NAALADL2: variants seen among roughly 807,000 people sequenced by gnomAD.
NAALADL2 encodes inactive N-acetylated-alpha-linked acidic dipeptidase-like protein 2.
In NAALADL2, 76 loss-of-function variants were observed where a neutral mutation model predicts 87.2. That is an observed-to-expected ratio of 0.87 (90% CI 0.72 to 1.05). NAALADL2 has a LOEUF of 1.05. Ranked by LOEUF, NAALADL2 falls within the 50% of genes least tolerant of loss-of-function variation. NAALADL2 has a pLI of 0.00. For missense variants in NAALADL2, 1,089 were observed against 945.8 expected (o/e 1.15, Z -1.99); for synonymous variants, 354 against 331.0 (o/e 1.07, Z -0.75).
chr3:175,740,449 C>T (rs1470039698), intron 12 of NAALADL2, among the ~76,000 whole-genome samples: 2 of 152,144 alleles, frequency 1.3e-5, no homozygotes, highest in African/African-American at 4.8e-5. Context: ...GAGGCTGGGA[C>T]TTGCTAGGCC....
intron 2 of NAALADL2, among the ~76,000 whole-genome samples, chr3:174,681,633 A>T (rs1727548690): frequency 6.6e-6 from 1 of 152,194 alleles, no homozygotes; most frequent in African/African-American, 2.4e-5. Flanking sequence ...CAGTTCTGGC[A>T]GCATTCCTCG....
rs112561317 is a variant in NAALADL2 at position 174,787,830 on chromosome 3, A to G, written c.-9+50084A>G. On this transcript the variant is annotated intron_variant, in intron 3 of 3. Transcript: ENST00000434257. ...TAACTTTTATACCTTTTACCTAAAT[A>G]TTTGTCACCACCAGAGTTGGAAAAG... Among the ~76,000 whole-genome samples, 851 of 151,568 alleles carry G rather than the reference A, an allele frequency of 5.6e-3. 8 individuals are homozygous for G. The highest frequency in any genetic ancestry group is 0.02 in the African/African-American group (817 of 41,358).
intron 5 of NAALADL2, among the ~76,000 whole-genome samples, chr3:175,439,879 A>G (rs1719442935): frequency 6.6e-6 from 1 of 151,690 alleles, no homozygotes; most frequent in Non-Finnish European, 1.5e-5. Context: ...GTACGGAAGC[A>G]TTTTAGTTTA....
At chr3:174,680,127 C>G (rs1056781733) in intron 2 of NAALADL2, among the ~76,000 whole-genome samples, 1 of 147,696 alleles carries the variant, frequency 6.8e-6, no homozygotes, top group Admixed American at 6.9e-5. Flanking sequence ...TTAAAAAACA[C>G]TTTTAGCAAT....
intron 3 of NAALADL2, among the ~76,000 whole-genome samples, chr3:175,243,089 A>G (rs1053851570): frequency 5.3e-5 from 8 of 151,278 alleles, no homozygotes; most frequent in African/African-American, 1.9e-4. Flanking sequence ...ACACACACAC[A>G]CACACGCACA....
chr3:175,728,093 G>A (rs138937780), intron 11 of NAALADL2, among the ~76,000 whole-genome samples: 1 of 152,040 alleles, frequency 6.6e-6, no homozygotes, highest in East Asian at 1.9e-4. Context: ...ATATAAACTT[G>A]TCAAATTATA....
chr3:175,453,634 T>G (rs551667695), intron 6 of NAALADL2, among the ~76,000 whole-genome samples: 2 of 152,134 alleles, frequency 1.3e-5, no homozygotes, highest in Non-Finnish European at 1.5e-5. Flanking sequence ...CAACTGAATT[T>G]TCATTAGAAT....
At chr3:175,488,727 C>T (rs2149338444) in intron 9 of NAALADL2, among the ~76,000 whole-genome samples, 1 of 152,292 alleles carries the variant, frequency 6.6e-6, no homozygotes, top group Non-Finnish European at 1.5e-5. Context: ...CATTTTTCTA[C>T]TGATAAGTTA....
rs73048157 is a variant in NAALADL2, at chr3:174,758,946, T to C, written c.-9+21200T>C. ...ACTGTTTTTTAAATCTCTAAAATGG[T>C]TATTTCTATAATTTTTAACAGGTTT... On this transcript the variant is annotated intron_variant, in intron 3 of 3. Coordinates refer to the NAALADL2 transcript ENST00000434257. 4.6e-3 allele frequency among the ~76,000 whole-genome samples: 701 copies of C among 152,306 alleles called. 2 individuals are homozygous for C. The highest frequency in any genetic ancestry group is 0.016 in the African/African-American group (680 of 41,564).
intron 2 of NAALADL2, among the ~76,000 whole-genome samples, chr3:175,108,975 A>G (rs1348806427): frequency 2.0e-5 from 3 of 151,784 alleles, no homozygotes; most frequent in Admixed American, 6.6e-5. Context: ...GCTAGATCTG[A>G]GTCAATTGCT....
chr3:175,784,439 T>C (rs1330950536), intron 13 of NAALADL2, among the ~76,000 whole-genome samples: 230 of 144,642 alleles, frequency 1.6e-3, no homozygotes, highest in African/African-American at 6.0e-3. Context: ...TGGGAGAGTG[T>C]ATGTGTCGAG....
intron 4 of NAALADL2, among the ~76,000 whole-genome samples, chr3:175,310,231 A>C (rs1359166938): frequency 6.6e-6 from 1 of 152,204 alleles, no homozygotes; most frequent in Non-Finnish European, 1.5e-5. Context: ...AAATAATGCC[A>C]AAATAAATGA....
At chr3:175,646,138 A>C (rs1446899917) in intron 11 of NAALADL2, among the ~76,000 whole-genome samples, 1 of 152,082 alleles carries the variant, frequency 6.6e-6, no homozygotes, top group Admixed American at 6.6e-5. Flanking sequence ...GTCTTTTTCA[A>C]CTTTGCTTTA....
chr3:175,243,540 T>A (rs1447795747), intron 3 of NAALADL2, among the ~76,000 whole-genome samples: 1 of 129,114 alleles, frequency 7.7e-6, no homozygotes, highest in Admixed American at 7.4e-5. Flanking sequence ...ACTTTTTTTT[T>A]TTTTTTTTTT....
chr3:174,570,501 G>A (rs916036215), intron 2 of NAALADL2, among the ~76,000 whole-genome samples: 31 of 152,012 alleles, frequency 2.0e-4, no homozygotes, highest in Admixed American at 2.0e-4. Flanking sequence ...CATCTTTACA[G>A]TCCTTTCTCA....
chr3:174,890,717 CATA>C (rs967167197), intron 1 of NAALADL2, among the ~76,000 whole-genome samples: 86 of 152,104 alleles, frequency 5.7e-4, no homozygotes, highest in Non-Finnish European at 5.9e-5. Flanking sequence ...TTAACATATG[CATA>C]ATATCAGATA....
chr3:175,283,277 A>G (rs1754554658), intron 4 of NAALADL2, among the ~76,000 whole-genome samples: 1 of 152,146 alleles, frequency 6.6e-6, no homozygotes, highest in Non-Finnish European at 1.5e-5. Flanking sequence ...AGCACAAAGA[A>G]GCATGGATCT....
intron 2 of NAALADL2, among the ~76,000 whole-genome samples, chr3:175,206,221 A>G (rs1740812983): frequency 6.8e-6 from 1 of 146,364 alleles, no homozygotes; most frequent in Non-Finnish European, 1.5e-5. Flanking sequence ...CAATGAGAGG[A>G]TAAAGATACT....
intron 2 of NAALADL2, among the ~76,000 whole-genome samples, chr3:175,123,291 T>A (rs1249475700): frequency 2.6e-5 from 4 of 151,982 alleles, no homozygotes; most frequent in African/African-American, 9.7e-5. Context: ...ACTTTTGAAC[T>A]AAGCAATGAC....
Sources: gnomAD v4.1 joint callset for allele counts (sites outside exome capture counted in the v4.1 genomes callset) on GRCh38, gnomAD v4.1.1 for gene constraint, MANE v1.5 for transcripts, NCBI Gene and HGNC (gene_info 2026-07-23, HGNC 2026-07-21) for gene names.